Variants in CDH4 observed in about 807,000 individuals in gnomAD.
CDH4 encodes the protein cadherin-4.
CDH4 carries 33 observed loss-of-function variants against 86.0 expected under a neutral mutation model. The ratio of observed to expected loss-of-function variants is 0.38; its 90% CI spans 0.29 to 0.51. CDH4 has a LOEUF of 0.51. Ranked by LOEUF, CDH4 falls within the 20% of genes least tolerant of loss-of-function variation. CDH4 has a pLI of 0.86. For missense variants in CDH4, 1,114 were observed against 1,307.4 expected, an observed-to-expected ratio of 0.85 and a Z score of 2.28; for synonymous variants, 555 against 549.4, an observed-to-expected ratio of 1.01 and a Z score of -0.14.
intron 2 of CDH4, among the ~76,000 whole-genome samples, chr20:61,404,852 C>T (rs955628678): frequency 1.3e-5 from 2 of 151,618 alleles, no homozygotes; most frequent in Non-Finnish European, 2.9e-5. Flanking sequence ...AGATCAAGAA[C>T]ATCCTGGCTA....
chr20:61,888,578 G>A (rs184555116), intron 7 of CDH4, among the ~76,000 whole-genome samples: 4 of 152,386 alleles, frequency 2.6e-5, no homozygotes, highest in East Asian at 3.9e-4. Flanking sequence ...CAGGCCCAGC[G>A]AATGTCTGGA....
At chr20:61,638,030 T>A (rs868142793) in intron 2 of CDH4, among the ~76,000 whole-genome samples, 13 of 141,428 alleles carry the variant, frequency 9.2e-5, no homozygotes, top group South Asian at 2.3e-4. Flanking sequence ...AAACTCCGTC[T>A]AAAAAAAAAA....
At chr20:61,318,707 G>GA in intron 2 of CDH4, among the ~76,000 whole-genome samples, 1 of 152,362 alleles carries the variant, frequency 6.6e-6, no homozygotes, top group East Asian at 1.9e-4. Flanking sequence ...GTGAGGTCAA[G>GA]AAGCGTGTTG....
chr20:61,878,559 C>T (rs749466840), intron 7 of CDH4, among the ~76,000 whole-genome samples: 9 of 152,252 alleles, frequency 5.9e-5, no homozygotes, highest in South Asian at 2.1e-4. Flanking sequence ...CCAGGGCCCC[C>T]GCCTGGCCCC....
chr20:61,308,339 G>A (rs901415882), intron 2 of CDH4, among the ~76,000 whole-genome samples: 2 of 152,200 alleles, frequency 1.3e-5, no homozygotes, highest in Non-Finnish European at 2.9e-5. Context: ...GCCATGAGCC[G>A]CAGCGCTGAG....
intron 13 of CDH4, among the ~76,000 whole-genome samples, chr20:61,932,658 T>C (rs937541090): frequency 6.6e-6 from 1 of 152,166 alleles, no homozygotes; most frequent in African/African-American, 2.4e-5. Flanking sequence ...GATACACGTA[T>C]GCATGCTTAC....
At position 61,252,672 on chromosome 20, in the gene CDH4, G is replaced by C. The variant is rs1372946364; in HGVS notation, c.57+102G>C. ...TCACACACCCGGCGGGGCTCTCCCG[G>C]GCTCCCCCGCCGCGCTCCCCGCTGC... On this transcript the variant is annotated intron_variant, in intron 1 of 15. Coordinates refer to ENST00000614565, the MANE Select transcript of CDH4 (RefSeq NM_001794.5). The surrounding 1 kb of genome is among the most constrained non-coding windows in gnomAD (Gnocchi z 4.4). 3.2e-6 allele frequency: 2 copies of C among 630,330 alleles called. No individual in the cohort carries two copies. The highest frequency in any genetic ancestry group is 3.9e-5 in the African/African-American group (2 of 51,560). The allele number at this position is 630,330 out of a possible 1,614,324, so 39.0% of individuals were successfully genotyped here.
At chr20:61,412,344 A>G (rs1181344835) in intron 2 of CDH4, among the ~76,000 whole-genome samples, 1 of 152,182 alleles carries the variant, frequency 6.6e-6, no homozygotes, top group African/African-American at 2.4e-5. Context: ...GCATGTTGGT[A>G]GCTTGGAACT....
intron 4 of CDH4, among the ~76,000 whole-genome samples, chr20:61,819,743 C>T (rs562930860): frequency 9.6e-4 from 146 of 152,200 alleles, no homozygotes; most frequent in Admixed American, 2.2e-3. Context: ...TAATTACAAA[C>T]CCTTCTTCCC....
At chr20:61,715,800 A>G (rs1460477448) in intron 2 of CDH4, among the ~76,000 whole-genome samples, 1 of 152,042 alleles carries the variant, frequency 6.6e-6, no homozygotes, top group Non-Finnish European at 1.5e-5. Context: ...TGCTCATCTA[A>G]CATGCAGCTT....
intron 2 of CDH4, among the ~76,000 whole-genome samples, chr20:61,741,264 G>A (rs969630044): frequency 5.3e-5 from 8 of 152,128 alleles, no homozygotes; most frequent in Admixed American, 2.6e-4. Flanking sequence ...GCCCTGGTGC[G>A]GTCCCCCGGG....
chr20:61,752,597 A>G (rs2088513399), intron 3 of CDH4, among the ~76,000 whole-genome samples: 2 of 152,240 alleles, frequency 1.3e-5, no homozygotes, highest in African/African-American at 4.8e-5. Flanking sequence ...CTTACGCATA[A>G]TCACCAAAAG....
chr20:61,527,099 A>G (rs1016681651), intron 2 of CDH4, among the ~76,000 whole-genome samples: 3 of 152,244 alleles, frequency 2.0e-5, no homozygotes, highest in Admixed American at 6.5e-5. Flanking sequence ...TTCATGAACT[A>G]CGCGCACATA....
rs150882460 is a variant in CDH4 at position 61,811,474 on chromosome 20, G to T, written c.577-33194G>T. Among the ~76,000 whole-genome samples, 6 of 152,322 alleles carry T rather than the reference G, an allele frequency of 3.9e-5. No homozygotes were observed. In the East Asian group the frequency reaches 1.2e-3, roughly 29 times the overall value. On this transcript the variant is annotated intron_variant, in intron 4 of 15. Transcript: ENST00000614565. This position sits in a 1 kb window ranked among gnomAD's most constrained non-coding sequence, Gnocchi z 4.4. ...ATCTATCTGTATGCTTTTGCCATGA[G>T]GAAAGGAAGCTCATTTCAGAGCAGT...
chr20:61,342,219 C>G (rs757496588), intron 2 of CDH4, among the ~76,000 whole-genome samples: 1 of 152,298 alleles, frequency 6.6e-6, no homozygotes, highest in East Asian at 1.9e-4. Context: ...TTCCACAGAT[C>G]AGGGGTAGGG....
Position 61,363,338 on chromosome 20 carries a change from G to C in CDH4, c.169+108401G>C, listed in dbSNP as rs538745612. 5.5e-4 allele frequency among the ~76,000 whole-genome samples: 84 copies of C among 152,122 alleles called. 1 individual carries two copies. The East Asian group carries it at 0.015, about 27-fold the overall frequency. On this transcript the variant is annotated intron_variant, in intron 2 of 15. Coordinates refer to ENST00000614565, the MANE Select transcript of CDH4 (RefSeq NM_001794.5). ...CTGTGCAGGGTTTGGGGGATATAAC[G>C]GCCAGGAAAACAGATAGATTCCTTG...
At chr20:61,668,986 G>A (rs908876801) in intron 2 of CDH4, among the ~76,000 whole-genome samples, 3 of 152,192 alleles carry the variant, frequency 2.0e-5, no homozygotes, top group Admixed American at 1.3e-4. Context: ...AGTGGGACAG[G>A]TGTTCCAGGA....
At chr20:61,313,981 C>T (rs1000487024) in intron 2 of CDH4, among the ~76,000 whole-genome samples, 1 of 152,190 alleles carries the variant, frequency 6.6e-6, no homozygotes, top group Non-Finnish European at 1.5e-5. Context: ...GTGATCTGTG[C>T]ACCTTGGCCT....
At chr20:61,485,201 T>A (rs1183090761) in intron 2 of CDH4, among the ~76,000 whole-genome samples, 2 of 152,146 alleles carry the variant, frequency 1.3e-5, no homozygotes, top group Non-Finnish European at 2.9e-5. Context: ...CTTCTAAAGA[T>A]CTCCCCAATA....
Sources: allele counts gnomAD v4.1 joint callset (sites outside exome capture counted in the v4.1 genomes callset), GRCh38; gene constraint gnomAD v4.1.1; non-coding constraint Gnocchi (gnomAD v3.1); transcripts MANE v1.5; gene names NCBI Gene and HGNC (gene_info 2026-07-23, HGNC 2026-07-21).